The following SPOCD1 variants were observed in gnomAD, a reference collection of about 807,000 sequenced individuals.
SPOCD1 encodes the protein SPOC domain containing 1, also known as SPOC domain-containing protein 1.
In SPOCD1, 64 loss-of-function variants were observed where a neutral mutation model predicts 92.2. The observed-to-expected ratio is 0.69, with a 90% CI of 0.57 to 0.86. The LOEUF (loss-of-function observed/expected upper bound fraction) is 0.86, where lower values mean the gene tolerates loss of function less well. Among genes scored for constraint, SPOCD1 ranks in the 40% least tolerant of loss-of-function variants. The probability of loss-of-function intolerance (pLI) is 0.00; values close to 1 mark genes in which losing one functional copy is unlikely to be tolerated. For synonymous variants in SPOCD1, 578 were observed against 619.3 expected, an observed-to-expected ratio of 0.93 and a Z score of 0.99; for missense variants, 1,360 against 1,543.1, an observed-to-expected ratio of 0.88 and a Z score of 1.99.
rs74065946 is a variant in SPOCD1, at chr1:31,798,415, C to T, written c.2028+27G>A. ...GGGGCTCTGAGATTCAGAGAGGGGACGCAGCCCAGCCCAAAGCCCTGCTCA... is the reference window on the plus strand; with the variant it reads ...GGGGCTCTGAGATTCAGAGAGGGGATGCAGCCCAGCCCAAAGCCCTGCTCA... On this transcript the variant is annotated intron_variant, in intron 8 of 15. Coordinates refer to ENST00000360482, the MANE Select transcript of SPOCD1 (RefSeq NM_144569.7). This position sits in a 1 kb window ranked among gnomAD's most constrained non-coding sequence, Gnocchi z 4.1. The T allele has an allele frequency of 1.6e-3, 2,527 of 1,593,370 alleles. 36 individuals carry two copies. In the African/African-American group the frequency reaches 0.029, roughly 18 times the overall value.
At position 31,793,855 on chromosome 1, in the gene SPOCD1, G is replaced by A; in HGVS notation, c.2426C>T (p.Ala809Val). 6.2e-7 allele frequency: 1 copy of A among 1,614,122 alleles called. No homozygotes were observed. Among genetic ancestry groups the A allele is most frequent in the Non-Finnish European group, 8.5e-7 (1 of 1,179,974 alleles). ...GAAGATATTGTCCCCGCAGCTCTTG[G>A]CGGCTTCGAAGGAGCCTAGCAGCTC... ...SNELLGSFEA[A>V]KSCGDNIFQK... Residue 809 changes from alanine (A) to valine (V), a missense_variant, in exon 12 of 16, where the codon GCC becomes GTC. By Grantham distance (64) the Ala-to-Val change is moderately conservative (BLOSUM62 0). Coordinates refer to ENST00000360482, the MANE Select transcript of SPOCD1 (RefSeq NM_144569.7).
intron 2 of SPOCD1, among the ~76,000 whole-genome samples, chr1:31,806,031 C>A (rs1384156889): frequency 6.6e-6 from 1 of 151,528 alleles, no homozygotes; most frequent in African/African-American, 2.4e-5. Flanking sequence ...AGACTGACTA[C>A]ATAATGATAT....
Position 31,814,171 on chromosome 1 carries a change from G to A in SPOCD1, c.1163C>T (p.Ala388Val). 7 of 1,579,168 alleles carry A rather than the reference G, an allele frequency of 4.4e-6. No homozygotes were observed. Among genetic ancestry groups the A allele is most frequent in the Non-Finnish European group, 6.0e-6 (7 of 1,159,666 alleles). Residue 388 changes from alanine to valine, a missense_variant, in exon 2 of 16, where the codon GCC becomes GTC. By Grantham distance (64) the Ala-to-Val change is moderately conservative. Transcript: ENST00000360482. The surrounding 1 kb of genome is among the most constrained non-coding windows in gnomAD (Gnocchi z 4.2). Reference sequence around the variant, plus strand: ...GCCGCCCAAGGGCTCCCGGGAGCTGGCACAGGTGTCAGCGGGGGCAGCGAG... The same window carrying A: ...GCCGCCCAAGGGCTCCCGGGAGCTGACACAGGTGTCAGCGGGGGCAGCGAG... ...QGLAAPADTC[A>V]SSREPLGGLS... is the part of the protein sequence containing the mutation.
chr1:31,793,721 C>G, intron 12 of SPOCD1, 26 bp downstream of exon 12: 3 of 1,613,590 alleles, frequency 1.9e-6, no homozygotes, highest in Non-Finnish European at 2.5e-6. Flanking sequence ...GCTGGGTTAT[C>G]CACCTCCCTG....
intron 10 of SPOCD1, chr1:31,795,064 A>G (rs1377206590): frequency 6.6e-6 from 1 of 152,238 alleles, no homozygotes; most frequent in Non-Finnish European, 1.5e-5. Flanking sequence ...TTTTGTGCAG[A>G]AAGTAGTTTC....
intron 3 of SPOCD1, among the ~76,000 whole-genome samples, chr1:31,800,952 A>C (rs918656371): frequency 6.6e-6 from 1 of 152,096 alleles, no homozygotes; most frequent in Non-Finnish European, 1.5e-5. Context: ...TCTTCTTCTG[A>C]CCACAGATGC....
rs778238118 is a variant in SPOCD1, at chr1:31,798,914, C to A, written c.1869-313G>T. The stretch of plus-strand genomic sequence containing the variant: ...CAGCCTGTGCCCCGTCTCTGGCTCA[C>A]GGGATGTGTGGAGGGGAGGAAGCCG... On this transcript the variant is annotated intron_variant, in intron 7 of 15. Transcript: ENST00000360482. The surrounding 1 kb of genome is among the most constrained non-coding windows in gnomAD (Gnocchi z 4.1). The A allele has an allele frequency of 3.6e-6, 2 of 561,760 alleles. No homozygotes were observed. Among genetic ancestry groups the A allele is most frequent in the East Asian group, 5.9e-5 (2 of 33,826 alleles). The allele number at this position is 561,760 out of a possible 1,614,324, so 34.8% of individuals were successfully genotyped here. A position where few individuals can be genotyped will look rare whatever the true frequency, so the allele number is the denominator to read the frequency against.
chr1:31,794,046 A>C (rs1018126922), intron 11 of SPOCD1, 78 bp downstream of exon 11: 17 of 1,536,646 alleles, frequency 1.1e-5, no homozygotes, highest in Non-Finnish European at 1.5e-5. Flanking sequence ...CCAGGCCACA[A>C]ATCCCTGTTG....
At chr1:31,803,298 G>A (rs1003740540) in intron 2 of SPOCD1, among the ~76,000 whole-genome samples, 3 of 152,018 alleles carry the variant, frequency 2.0e-5, no homozygotes, top group African/African-American at 4.8e-5. Flanking sequence ...AACCAAACAC[G>A]ACTTCTGGGA....
At chr1:31,805,830 C>A (rs1648784897) in intron 2 of SPOCD1, among the ~76,000 whole-genome samples, 2 of 151,978 alleles carry the variant, frequency 1.3e-5, no homozygotes, top group Non-Finnish European at 2.9e-5. Context: ...AATTATCAGA[C>A]CTTTAAGGAA....
chr1:31,815,441 T>A, intron 1 of SPOCD1, 69 bp from the exon 2 acceptor site: 1 of 1,164,834 alleles, frequency 8.6e-7, no homozygotes, highest in Non-Finnish European at 1.2e-6. Flanking sequence ...CAGTGGGAAC[T>A]GGGAGGAGCC....
rs149417976 is a variant in SPOCD1, at chr1:31,800,075, G to T, written c.1669C>A (p.Pro557Thr). 50 of 1,607,860 alleles carry T rather than the reference G, an allele frequency of 3.1e-5. No homozygotes were observed. The African/African-American group carries it at 5.9e-4, about 19-fold the overall frequency. Residue 557 changes from proline to threonine, a missense_variant, in exon 5 of 16, where the codon CCT becomes ACT. Physicochemically the swap from Pro to Thr is conservative, Grantham distance 38. Transcript: ENST00000360482. ...AGGGCCAGGGAACCGCTTCTTGGAG[G>T]GTAGAAGGGGTCAGAGAGGCCACCA... ...DPGGLSDPFY[P>T]PRSGSLALGD...
At position 31,790,740 on chromosome 1, in the gene SPOCD1, T is replaced by A; in HGVS notation, c.3514A>T (p.Lys1172Ter). ...QLQALLCPQT[K>*]SSIPRPLQRL... ...TGCAGAGGGCGGGGGATGGAGCTCT[T>A]GGTCTGGGGGCACAGTAAGGCTTGG... is the stretch of plus-strand genomic sequence containing the variant. Residue 1172 changes from lysine to a stop codon, truncating the protein, a stop_gained, in exon 16 of 16, where the codon AAG (lysine) becomes TAG (stop). Coordinates refer to ENST00000360482, the MANE Select transcript of SPOCD1 (RefSeq NM_144569.7). LOFTEE classifies it low-confidence loss of function (END_TRUNC). 6.4e-7 allele frequency: 1 copy of A among 1,551,942 alleles called. No individual in the cohort carries two copies. Among genetic ancestry groups the A allele is most frequent in the Non-Finnish European group, 8.7e-7 (1 of 1,147,098 alleles).
chr1:31,799,828 C>T lies in SPOCD1; in HGVS notation c.1764G>A (p.Pro588=), dbSNP rs758199672. The T allele has an allele frequency of 2.1e-5, 34 of 1,614,048 alleles. No individual in the cohort carries two copies. Among genetic ancestry groups the T allele is most frequent in the East Asian group, 8.9e-5 (4 of 44,882 alleles). ...CTTCACCTGAGTCCTCTGGCTGCTC[C>T]GGAAGAGAATCCTCTTCAGCCTCCA... ...GPMEAEEDSL[P]EQPEDSAQLQ... The change falls in exon 6 of 16, where the codon CCG becomes CCA. Residue 588 remains proline, a synonymous_variant. Coordinates refer to ENST00000360482, the MANE Select transcript of SPOCD1 (RefSeq NM_144569.7).
intron 2 of SPOCD1, among the ~76,000 whole-genome samples, chr1:31,803,755 G>A (rs1168882235): frequency 4.0e-5 from 6 of 149,952 alleles, no homozygotes; most frequent in African/African-American, 1.5e-4. Context: ...TAAAGGAAAG[G>A]AAAGGAGAGG....
Position 31,790,916 on chromosome 1 carries a change from G to A in SPOCD1, c.3338C>T (p.Pro1113Leu). Residue 1113 changes from proline to leucine, a missense_variant, in exon 16 of 16, where the codon CCA becomes CTA. Transcript: ENST00000360482. ...WQHPGRGQWP[P>L]EPGLRQSQHP... The stretch of plus-strand genomic sequence containing the variant: ...CTGGGACTGGCGCAAGCCTGGCTCT[G>A]GGGGCCACTGCCCTCGCCCAGGATG... 4 of 1,583,096 alleles carry A rather than the reference G, an allele frequency of 2.5e-6. No individual in the cohort carries two copies. Among genetic ancestry groups the A allele is most frequent in the Non-Finnish European group, 3.4e-6 (4 of 1,165,310 alleles).
intron 6 of SPOCD1, 73 bp downstream of exon 6, chr1:31,799,736 G>T: frequency 6.5e-7 from 1 of 1,533,704 alleles, no homozygotes. Context: ...CTGGGCCCAG[G>T]AGCTGGGCCT....
intron 6 of SPOCD1, 75 bp downstream of exon 6, chr1:31,799,734 A>C: frequency 1.9e-6 from 3 of 1,547,692 alleles, no homozygotes. Context: ...GGCTGGGCCC[A>C]GGAGCTGGGC....
chr1:31,799,334 G>A (rs1373791563), intron 7 of SPOCD1, 67 bp downstream of exon 7: 49 of 1,390,058 alleles, frequency 3.5e-5, no homozygotes, highest in Non-Finnish European at 4.6e-5. Flanking sequence ...ACATGGCAGG[G>A]CCCCGGAGGC....
Sources: allele counts gnomAD v4.1 joint callset (sites outside exome capture counted in the v4.1 genomes callset), GRCh38; gene constraint gnomAD v4.1.1; non-coding constraint Gnocchi (gnomAD v3.1); transcripts MANE v1.5; gene names NCBI Gene and HGNC (gene_info 2026-07-23, HGNC 2026-07-21).